The following KIAA0319L variants were observed in gnomAD, a reference collection of about 807,000 sequenced individuals.
KIAA0319L encodes the protein KIAA0319 like.
Under a neutral mutation model 120.1 loss-of-function variants are expected in KIAA0319L, and 55 were observed. The ratio of observed to expected loss-of-function variants is 0.46; its 90% CI spans 0.37 to 0.57. The LOEUF (loss-of-function observed/expected upper bound fraction) is 0.57. Ranked by LOEUF, KIAA0319L falls within the 20% of genes least tolerant of loss-of-function variation. The pLI, the probability that KIAA0319L is intolerant of heterozygous loss-of-function variation, is 0.00. For synonymous variants in KIAA0319L, 398 were observed against 471.9 expected (o/e 0.84, Z 2.03); for missense variants, 1,049 against 1,255.3 (o/e 0.84, Z 2.48).
chr1:35,547,979 G>A (rs756470974), intron 2 of KIAA0319L, among the ~76,000 whole-genome samples: 28 of 152,016 alleles, frequency 1.8e-4, no homozygotes, highest in Non-Finnish European at 3.7e-4. Flanking sequence ...AAATTAGCCA[G>A]GTGTGGTGGT....
chr1:35,497,520 C>T (rs1029600617), intron 3 of KIAA0319L, among the ~76,000 whole-genome samples: 5 of 152,034 alleles, frequency 3.3e-5, no homozygotes, highest in Non-Finnish European at 7.4e-5. Context: ...TACATATATT[C>T]GTTATCTTTT....
chr1:35,461,245 TC>T (rs1219649220), intron 8 of KIAA0319L, among the ~76,000 whole-genome samples: 1 of 152,142 alleles, frequency 6.6e-6, no homozygotes, highest in Admixed American at 6.6e-5. Flanking sequence ...GGTGGGCGGA[TC>T]CCCTGAGGTC....
Position 35,454,486 on chromosome 1 carries a change from C to CTACAAA in KIAA0319L, c.1657-7_1657-2dup, listed in dbSNP as rs1642296243. 1 of 1,613,368 alleles carries CTACAAA rather than the reference C, an allele frequency of 6.2e-7. No individual in the cohort carries two copies. Among genetic ancestry groups the CTACAAA allele is most frequent in the Admixed American group, 1.7e-5 (1 of 59,886 alleles). On this transcript the variant is annotated splice_acceptor_variant, in intron 10 of 20. Coordinates refer to ENST00000325722, the MANE Select transcript of KIAA0319L (RefSeq NM_024874.5). LOFTEE classifies it high-confidence loss of function. ...GCTGTAAGGTTGGTGTTCTAACACC[C>CTACAAA]TACAAATACAAATACAGAAGTGGAA...
At chr1:35,514,583 T>G (rs528572454) in intron 2 of KIAA0319L, among the ~76,000 whole-genome samples, 1 of 151,346 alleles carries the variant, frequency 6.6e-6, no homozygotes, top group African/African-American at 2.4e-5. Context: ...AAAGTAGGAG[T>G]TGCAATCCTA....
Position 35,456,146 on chromosome 1 carries a change from C to T in KIAA0319L, c.1523G>A (p.Gly508Asp). 1 of 1,613,884 alleles carries T rather than the reference C, an allele frequency of 6.2e-7. No homozygotes were observed. The highest frequency in any genetic ancestry group is 8.5e-7 in the Non-Finnish European group (1 of 1,179,930). The change falls in exon 10 of 21, where the codon GGC becomes GAC. Residue 508 changes from glycine to aspartate, a missense_variant. Transcript: ENST00000325722. ...GGGCAGGGTGATCACTTGGTTGGGG[C>T]CTGCGTTGGCCACAGGGGGGTAATC... ...AVDYPPVANA[G>D]PNQVITLPQN...
intron 9 of KIAA0319L, among the ~76,000 whole-genome samples, chr1:35,458,757 A>C (rs1340726762): frequency 6.6e-6 from 1 of 152,256 alleles, no homozygotes; most frequent in Non-Finnish European, 1.5e-5. Context: ...AAGAAATATC[A>C]GCTATCATTG....
At position 35,458,886 on chromosome 1, in the gene KIAA0319L, G is replaced by T. The variant is rs978314072; in HGVS notation, c.1427+1419C>A. On this transcript the variant is annotated intron_variant, in intron 9 of 20. Transcript: ENST00000325722. ...ATGTCCATTTTAAGCGACGTAGAAG[G>T]CTCCAATCTTGTTGTACTGGCAGCT... Among the ~76,000 whole-genome samples, 11 of 151,832 alleles carry T rather than the reference G, an allele frequency of 7.2e-5. No individual in the cohort carries two copies. The South Asian group carries it at 1.9e-3, about 27-fold the overall frequency.
chr1:35,466,110 A>G (rs1643247599), intron 7 of KIAA0319L, among the ~76,000 whole-genome samples: 2 of 152,220 alleles, frequency 1.3e-5, no homozygotes, highest in African/African-American at 4.8e-5. Context: ...TTCCTACTGC[A>G]CTGTGATCTA....
intron 2 of KIAA0319L, among the ~76,000 whole-genome samples, chr1:35,529,268 G>C (rs573041092): frequency 6.6e-6 from 1 of 152,320 alleles, no homozygotes; most frequent in South Asian, 2.1e-4. Flanking sequence ...TGATATGTGA[G>C]AACTTACTAC....
At chr1:35,533,247 A>G (rs1461638105) in intron 2 of KIAA0319L, 1 of 152,226 alleles carries the variant, frequency 6.6e-6, no homozygotes, top group Non-Finnish European at 1.5e-5. Flanking sequence ...TAGGGAGCAG[A>G]GACAGAACGT....
intron 13 of KIAA0319L, 63 bp downstream of exon 13, chr1:35,451,565 G>A: frequency 6.6e-7 from 1 of 1,511,510 alleles, no homozygotes; most frequent in Non-Finnish European, 9.1e-7. Flanking sequence ...AAACATGACA[G>A]GATAAATTCT....
intron 2 of KIAA0319L, among the ~76,000 whole-genome samples, chr1:35,527,498 C>T (rs1570960311): frequency 6.6e-6 from 1 of 152,098 alleles, no homozygotes; most frequent in Non-Finnish European, 1.5e-5. Flanking sequence ...GCTTATTAGT[C>T]CGGTAGAATT....
At chr1:35,455,572 A>AC (rs1291071123) in intron 10 of KIAA0319L, among the ~76,000 whole-genome samples, 3 of 115,276 alleles carry the variant, frequency 2.6e-5, no homozygotes, top group East Asian at 5.5e-4. Context: ...CATTTAAGAT[A>AC]ATTTTTTTTT....
intron 13 of KIAA0319L, among the ~76,000 whole-genome samples, 196 bp downstream of exon 13, chr1:35,451,432 G>C (rs187355394): frequency 1.1e-4 from 16 of 152,314 alleles, no homozygotes; most frequent in African/African-American, 3.6e-4. Context: ...AGCAGGAGGA[G>C]GGAGGGAAGT....
intron 15 of KIAA0319L, among the ~76,000 whole-genome samples, chr1:35,448,742 G>A (rs755329550): frequency 6.6e-6 from 1 of 152,120 alleles, no homozygotes; most frequent in Non-Finnish European, 1.5e-5. Flanking sequence ...TCAGTGCCTC[G>A]CTGTATTTTG....
At chr1:35,488,414 G>C (rs905967775) in intron 3 of KIAA0319L, among the ~76,000 whole-genome samples, 1 of 152,096 alleles carries the variant, frequency 6.6e-6, no homozygotes, top group Non-Finnish European at 1.5e-5. Flanking sequence ...CCTGAGTGAG[G>C]GACTGACTAC....
At chr1:35,525,338 T>C (rs538262616) in intron 2 of KIAA0319L, among the ~76,000 whole-genome samples, 25 of 152,300 alleles carry the variant, frequency 1.6e-4, no homozygotes, top group Admixed American at 1.5e-3. Context: ...ATATACTAAT[T>C]TTCTTTCCTT....
rs771845209 is a variant in KIAA0319L at position 35,470,910 on chromosome 1, T to C, written c.1066A>G (p.Ser356Gly). 2.5e-6 allele frequency: 4 copies of C among 1,613,734 alleles called. No homozygotes were observed. Among genetic ancestry groups the C allele is most frequent in the Non-Finnish European group, 3.4e-6 (4 of 1,179,582 alleles). The change falls in exon 6 of 21, where the codon AGT becomes GGT. Residue 356 changes from serine (S) to glycine (G), a missense_variant. Ser to Gly is a moderately conservative substitution (Grantham distance 56). Transcript: ENST00000325722. ...WQLITHPRDY[S>G]GEMEGKHSQI... ...GAATGTTTCCCTTCCATTTCTCCACTGTAGTCTCTAGGATGAGTAATCAGC... is the reference window on the plus strand; with the variant it reads ...GAATGTTTCCCTTCCATTTCTCCACCGTAGTCTCTAGGATGAGTAATCAGC...
intron 3 of KIAA0319L, among the ~76,000 whole-genome samples, chr1:35,494,274 C>G (rs1056034405): frequency 3.3e-5 from 5 of 151,892 alleles, no homozygotes; most frequent in Non-Finnish European, 7.4e-5. Context: ...TAATGAAACC[C>G]CATCTCTACT....
Sources: allele counts gnomAD v4.1 joint callset (sites outside exome capture counted in the v4.1 genomes callset), GRCh38; gene constraint gnomAD v4.1.1; transcripts MANE v1.5; gene names NCBI Gene and HGNC (gene_info 2026-07-23, HGNC 2026-07-21).